ANXA7: variants seen among roughly 807,000 people sequenced by gnomAD.
ANXA7 encodes the protein annexin A7, also known as annexin VII.
In ANXA7, 55 loss-of-function variants were observed where a neutral mutation model predicts 64.9. That is an observed-to-expected ratio of 0.85 (90% confidence interval 0.68 to 1.06). ANXA7 has a LOEUF of 1.06. Among genes scored for constraint, ANXA7 ranks in the 50% least tolerant of loss-of-function variants. The pLI is 0.00. For missense variants in ANXA7, 548 were observed against 582.1 expected (o/e 0.94, Z 0.60); for synonymous variants, 200 against 192.4 (o/e 1.04, Z -0.33).
At chr10:73,413,130 G>A (rs1292811502) in intron 1 of ANXA7, among the ~76,000 whole-genome samples, 1 of 152,162 alleles carries the variant, frequency 6.6e-6, no homozygotes, top group Non-Finnish European at 1.5e-5. Context: ...CCTCTGCACG[G>A]ACAGGTAGGT....
intron 5 of ANXA7, among the ~76,000 whole-genome samples, chr10:73,394,313 A>G (rs2055534859): frequency 6.6e-6 from 1 of 152,220 alleles, no homozygotes; most frequent in East Asian, 1.9e-4. Context: ...CGATTCCTCA[A>G]GGATCTAGAA....
intron 1 of ANXA7, among the ~76,000 whole-genome samples, chr10:73,401,245 A>C (rs753885765): frequency 4.2e-5 from 6 of 142,196 alleles, no homozygotes; most frequent in Non-Finnish European, 8.9e-5. Flanking sequence ...AAACATACAG[A>C]TATACACACA....
At chr10:73,389,997 T>A (rs1589652933) in intron 5 of ANXA7, among the ~76,000 whole-genome samples, 1 of 152,288 alleles carries the variant, frequency 6.6e-6, no homozygotes, top group East Asian at 1.9e-4. Context: ...CCACTACTTT[T>A]TAAAAAAATT....
intron 4 of ANXA7, among the ~76,000 whole-genome samples, chr10:73,396,932 T>C (rs1185268504): frequency 2.6e-5 from 4 of 152,110 alleles, no homozygotes; most frequent in Non-Finnish European, 4.4e-5. Context: ...AGGCTTCCTT[T>C]TGGCTTTGGG....
At chr10:73,413,393 C>T (rs1390240936) in intron 1 of ANXA7, among the ~76,000 whole-genome samples, 1 of 152,168 alleles carries the variant, frequency 6.6e-6, no homozygotes, top group Admixed American at 6.5e-5. Flanking sequence ...GGACATCAGC[C>T]ATCTACCTCT....
intron 5 of ANXA7, among the ~76,000 whole-genome samples, chr10:73,390,623 T>G (rs1043844038): frequency 4.7e-5 from 7 of 150,334 alleles, no homozygotes; most frequent in African/African-American, 1.5e-4. Context: ...TCTAATACAC[T>G]GGAATAGATA....
At chr10:73,395,850 G>A in intron 5 of ANXA7, 1 of 679,268 alleles carries the variant, frequency 1.5e-6, no homozygotes. Flanking sequence ...AAACTCTGCA[G>A]CTAATGAGAA....
At chr10:73,397,460 T>C (rs150638526) in intron 3 of ANXA7, among the ~76,000 whole-genome samples, 186 bp from the exon 4 acceptor site, 161 of 152,312 alleles carry the variant, frequency 1.1e-3, no homozygotes, top group Non-Finnish European at 1.8e-3. Context: ...TTTTACCTTA[T>C]ATATTTATTT....
intron 5 of ANXA7, among the ~76,000 whole-genome samples, chr10:73,394,432 T>C (rs1450044092): frequency 1.3e-5 from 2 of 152,184 alleles, no homozygotes; most frequent in South Asian, 2.1e-4. Context: ...TGCAGCACTA[T>C]TCACAATAGC....
At chr10:73,376,320 G>C in intron 12 of ANXA7, 103 bp from the exon 13 acceptor site, 3 of 1,123,816 alleles carry the variant, frequency 2.7e-6, no homozygotes, top group Non-Finnish European at 3.6e-6. Context: ...CAAAACTTGG[G>C]GGGGAAAACA....
At position 73,376,109 on chromosome 10, in the gene ANXA7, T is replaced by C. The variant is rs2055164996; in HGVS notation, c.1387A>G (p.Ile463Val). 1 of 1,589,002 alleles carries C rather than the reference T, an allele frequency of 6.3e-7. No homozygotes were observed. Among genetic ancestry groups the C allele is most frequent in the Non-Finnish European group, 8.5e-7 (1 of 1,171,016 alleles). ...SGDYRRLLLA[I>V]VGQ ...AAAAATCCCTCCTACTGGCCCACAA[T>C]AGCCAGAAGAAGTCTTCGGTAATCT... Residue 463 changes from isoleucine (I) to valine (V), a missense_variant, in exon 13 of 13, where the codon ATT (isoleucine) becomes GTT (valine). Physicochemically the swap from Ile to Val is conservative, Grantham distance 29 (BLOSUM62 3). Coordinates refer to ENST00000372921, the MANE Select transcript of ANXA7 (RefSeq NM_001156.5).
At chr10:73,377,150 G>T (rs143299725) in intron 12 of ANXA7, among the ~76,000 whole-genome samples, 26 of 152,270 alleles carry the variant, frequency 1.7e-4, no homozygotes, top group Non-Finnish European at 2.8e-4. Context: ...AAATTTTTAT[G>T]TTATGTATAT....
intron 9 of ANXA7, chr10:73,381,550 T>C (rs1030724201): frequency 6.6e-6 from 1 of 152,212 alleles, no homozygotes; most frequent in Non-Finnish European, 1.5e-5. Flanking sequence ...ACATTCTACA[T>C]GGGCGACTGA....
Position 73,379,740 on chromosome 10 carries a change from A to T in ANXA7, c.1165+139T>A, listed in dbSNP as rs1233841481. 7 of 850,464 alleles carry T rather than the reference A, an allele frequency of 8.2e-6. No homozygotes were observed. In the Admixed American group the frequency reaches 1.6e-4, roughly 20 times the overall value. The allele number at this position is 850,464 out of a possible 1,614,324, so 52.7% of individuals were successfully genotyped here. A position where few individuals can be genotyped will look rare whatever the true frequency, so the allele number is the denominator to read the frequency against. On this transcript the variant is annotated intron_variant, in intron 11 of 12. Coordinates refer to ENST00000372921, the MANE Select transcript of ANXA7 (RefSeq NM_001156.5). ...CCAATAAAGAAAACAAACAACAAAA[A>T]ACAAACCCCAAAGGATTAGATCAGC...
intron 5 of ANXA7, among the ~76,000 whole-genome samples, chr10:73,394,859 TA>T (rs2055544767): frequency 6.6e-6 from 1 of 152,150 alleles, no homozygotes; most frequent in Non-Finnish European, 1.5e-5. Flanking sequence ...TAAAGTGTAA[TA>T]AAAAATAAAA....
In ANXA7 at chr10:73,410,738, C is replaced by T. The variant is rs577270223; in HGVS notation, c.-2+3274G>A. 8.1e-5 allele frequency among the ~76,000 whole-genome samples: 12 copies of T among 148,914 alleles called. No individual in the cohort carries two copies. In the South Asian group the frequency reaches 8.5e-4, roughly 11 times the overall value. ...CGGAGGTTGGGGTGAGCTGAGATCA[C>T]GCCATTGCACTCCAGCCTGGCAACG... is the stretch of plus-strand genomic sequence containing the variant. On this transcript the variant is annotated intron_variant, in intron 1 of 12. Transcript: ENST00000372921.
rs927884519 is a variant in ANXA7, at chr10:73,382,204, C to T, written c.918+971G>A. On this transcript the variant is annotated intron_variant, in intron 9 of 12. Coordinates refer to ENST00000372921, the MANE Select transcript of ANXA7 (RefSeq NM_001156.5). ...CTTGGCTCTTAAGAGCCCCTCCTCT[C>T]CTTTAGATCCCTCCAGATGGTCCAA... Among the ~76,000 whole-genome samples, 7 of 152,320 alleles carry T rather than the reference C, an allele frequency of 4.6e-5. No individual in the cohort carries two copies. In the East Asian group the frequency reaches 1.4e-3, roughly 29 times the overall value.
intron 5 of ANXA7, among the ~76,000 whole-genome samples, chr10:73,388,628 G>A (rs1440242531): frequency 6.6e-6 from 1 of 152,130 alleles, no homozygotes; most frequent in Non-Finnish European, 1.5e-5. Context: ...CCAACAGATA[G>A]CCAGACACCA....
intron 1 of ANXA7, among the ~76,000 whole-genome samples, chr10:73,411,594 GC>G (rs2055839609): frequency 6.6e-6 from 1 of 152,022 alleles, no homozygotes; most frequent in Non-Finnish European, 1.5e-5. Context: ...ACCGCACCCG[GC>G]TAAATTTTGT....
Sources: allele counts gnomAD v4.1 joint callset (sites outside exome capture counted in the v4.1 genomes callset), GRCh38; gene constraint gnomAD v4.1.1; transcripts MANE v1.5; gene names NCBI Gene and HGNC (gene_info 2026-07-23, HGNC 2026-07-21).